The following GSE1 variants were observed in gnomAD, a reference collection of about 807,000 sequenced individuals.
The protein encoded by GSE1 is Gse1 coiled-coil protein.
Under a neutral mutation model 112.6 loss-of-function variants are expected in GSE1, and 32 were observed. The observed-to-expected ratio is 0.28, with a 90% CI of 0.21 to 0.38. GSE1 has a LOEUF of 0.38. GSE1 is among the 10% of genes least tolerant of loss of function. The pLI is 1.00. For synonymous variants in GSE1, 1,115 were observed against 735.6 expected (o/e 1.52, Z -8.35); for missense variants, 2,348 against 1,699.2 (o/e 1.38, Z -6.71).
chr16:85,652,928 C>T (rs977589667), intron 3 of GSE1, among the ~76,000 whole-genome samples: 2 of 151,804 alleles, frequency 1.3e-5, no homozygotes, highest in Non-Finnish European at 2.9e-5. Flanking sequence ...GATCAGCAGT[C>T]GTTACCTGAC....
intron 1 of GSE1, among the ~76,000 whole-genome samples, chr16:85,623,322 C>T (rs2048858874): frequency 6.6e-6 from 1 of 151,958 alleles, no homozygotes; most frequent in Non-Finnish European, 1.5e-5. Flanking sequence ...TCAAGCGATC[C>T]CCCACCTCGG....
intron 2 of GSE1, among the ~76,000 whole-genome samples, chr16:85,426,285 G>A (rs1360760029): frequency 6.7e-6 from 1 of 149,678 alleles, no homozygotes; most frequent in Admixed American, 6.6e-5. Context: ...ATGGATAGAT[G>A]GGTGGGTGAA....
At chr16:85,207,288 G>A (rs1372201110) in intron 1 of GSE1, among the ~76,000 whole-genome samples, 13 of 152,342 alleles carry the variant, frequency 8.5e-5, no homozygotes, top group African/African-American at 1.4e-4. Flanking sequence ...TCCGCTCTGC[G>A]GGCCAGGCTC....
intron 1 of GSE1, among the ~76,000 whole-genome samples, chr16:85,267,457 AC>A (rs1188972819): frequency 6.6e-6 from 1 of 152,002 alleles, no homozygotes; most frequent in Non-Finnish European, 1.5e-5. Context: ...GAGGGCAGTG[AC>A]CGTGGGGGGT....
At chr16:85,428,651 T>G (rs8055452) in intron 2 of GSE1, among the ~76,000 whole-genome samples, 116,568 of 152,056 alleles carry the variant, frequency 0.77, 45,430 homozygotes, top group Non-Finnish European at 0.84. Context: ...GGTCCTCTGA[T>G]GGGGACACCT....
intron 1 of GSE1, among the ~76,000 whole-genome samples, chr16:85,306,743 G>A (rs934000534): frequency 2.0e-5 from 3 of 152,060 alleles, no homozygotes; most frequent in African/African-American, 4.8e-5. Context: ...CAATAAGAGC[G>A]GGCCACCTCC....
chr16:85,381,794 G>A (rs58314208), intron 2 of GSE1, among the ~76,000 whole-genome samples: 12,911 of 152,306 alleles, frequency 0.085, 593 homozygotes, highest in African/African-American at 0.11. Flanking sequence ...TCAGGATGCT[G>A]TTGGGTGACC....
intron 5 of GSE1, among the ~76,000 whole-genome samples, chr16:85,655,498 G>A (rs537892943): frequency 2.6e-5 from 4 of 152,208 alleles, no homozygotes; most frequent in South Asian, 2.1e-4. Context: ...TGGCTGAGCC[G>A]AGGGAGGTGG....
chr16:85,425,604 G>T (rs530327981), intron 2 of GSE1, among the ~76,000 whole-genome samples: 1 of 152,326 alleles, frequency 6.6e-6, no homozygotes, highest in East Asian at 1.9e-4. Flanking sequence ...CGCAGTAAAG[G>T]ATGTTGTCAC....
At chr16:85,657,649 C>T (rs773844682) in intron 8 of GSE1, 45 bp downstream of exon 8, 16 of 1,354,562 alleles carry the variant, frequency 1.2e-5, no homozygotes, top group East Asian at 5.1e-5. Context: ...CTTCACGTTC[C>T]GATTTGTTCA....
At chr16:85,606,394 G>A (rs561471595) in intron 1 of GSE1, among the ~76,000 whole-genome samples, 2 of 152,372 alleles carry the variant, frequency 1.3e-5, no homozygotes, top group Non-Finnish European at 2.9e-5. Flanking sequence ...GTGCAGTGTA[G>A]TGATGCCAGC....
chr16:85,456,009 G>C (rs2049816539), intron 2 of GSE1, among the ~76,000 whole-genome samples: 1 of 152,216 alleles, frequency 6.6e-6, no homozygotes, highest in South Asian at 2.1e-4. Context: ...AGAGGTTAAT[G>C]ACTTGCCCCA....
At chr16:85,613,279 G>T, upstream of GSE1, 1 of 1,536,126 alleles carries the variant, frequency 6.5e-7, no homozygotes. Context: ...CCTCCCCAGC[G>T]GGCCCGAGCT....
chr16:85,569,628 G>A (rs1274282389), intron 1 of GSE1, among the ~76,000 whole-genome samples: 1 of 152,238 alleles, frequency 6.6e-6, no homozygotes, highest in African/African-American at 2.4e-5. Flanking sequence ...CCTGCTGGGA[G>A]AGAAGCTCCA....
chr16:85,544,164 C>T (rs774007554), intron 2 of GSE1, among the ~76,000 whole-genome samples: 2 of 152,146 alleles, frequency 1.3e-5, no homozygotes, highest in Non-Finnish European at 2.9e-5. Context: ...CATGACTGTG[C>T]CGTTCTATTG....
chr16:85,273,261 C>T (rs1038544160), intron 1 of GSE1, among the ~76,000 whole-genome samples: 9 of 152,138 alleles, frequency 5.9e-5, no homozygotes, highest in Non-Finnish European at 1.0e-4. Context: ...ATTGAGTCAG[C>T]GCAACATCCA....
At chr16:85,520,627 T>A (rs28695680) in intron 2 of GSE1, among the ~76,000 whole-genome samples, 2,324 of 152,068 alleles carry the variant, frequency 0.015, 66 homozygotes, top group African/African-American at 0.053. Flanking sequence ...TTCACCATGT[T>A]GGCCAGGCTG....
intron 2 of GSE1, among the ~76,000 whole-genome samples, chr16:85,426,800 T>C (rs1246062163): frequency 6.6e-6 from 1 of 152,154 alleles, no homozygotes; most frequent in Non-Finnish European, 1.5e-5. Flanking sequence ...TTCCAGTCAC[T>C]GGGAGTGTGC....
At position 85,675,892 on chromosome 16, in the gene GSE1, A is replaced by T. The variant is rs978984012; in HGVS notation, c.*3353A>T. 1 of 152,474 alleles carries T rather than the reference A, an allele frequency of 6.6e-6. No individual in the cohort carries two copies. The highest frequency in any genetic ancestry group is 2.4e-5 in the African/African-American group (1 of 41,438). The allele number at this position is 152,474 out of a possible 1,614,324, so 9.4% of individuals were successfully genotyped here. On this transcript the variant is annotated 3_prime_UTR_variant, in exon 16 of 16. Coordinates refer to ENST00000253458, the MANE Select transcript of GSE1 (RefSeq NM_014615.5). ...TAGCCTGTCCCCAACTTTTCCATCCAGTGCTTAACCTAAAAAACTCCTTAA... is the reference window on the plus strand; with the variant it reads ...TAGCCTGTCCCCAACTTTTCCATCCTGTGCTTAACCTAAAAAACTCCTTAA...
Sources: allele counts gnomAD v4.1 joint callset (sites outside exome capture counted in the v4.1 genomes callset), GRCh38; gene constraint gnomAD v4.1.1; transcripts MANE v1.5; gene names NCBI Gene and HGNC (gene_info 2026-07-23, HGNC 2026-07-21).